Variants in ZC3H12D observed in about 807,000 individuals in gnomAD.
ZC3H12D encodes probable ribonuclease ZC3H12D.
In ZC3H12D, 11 loss-of-function variants were observed where a neutral mutation model predicts 24.2. That is an observed-to-expected ratio of 0.46 (90% CI 0.29 to 0.75). ZC3H12D has a LOEUF of 0.75. Ranked by LOEUF, ZC3H12D falls within the 30% of genes least tolerant of loss-of-function variation. The pLI is 0.11. For missense variants in ZC3H12D, 740 were observed against 767.7 expected (o/e 0.96, Z 0.43); for synonymous variants, 333 against 341.8 (o/e 0.97, Z 0.28).
intron 3 of ZC3H12D, among the ~76,000 whole-genome samples, chr6:149,458,685 G>A (rs367996306): frequency 3.9e-4 from 59 of 152,134 alleles, no homozygotes; most frequent in African/African-American, 1.4e-3. Flanking sequence ...ATGCCAAATT[G>A]TTTTCCAGAG....
chr6:149,460,648 G>A (rs747379671), intron 3 of ZC3H12D, among the ~76,000 whole-genome samples: 4 of 152,122 alleles, frequency 2.6e-5, no homozygotes, highest in African/African-American at 4.8e-5. Flanking sequence ...CAGCCAACAT[G>A]ATGAAACCCC....
At chr6:149,474,103 G>A (rs983042188) in intron 2 of ZC3H12D, 136 bp downstream of exon 2, 2 of 649,694 alleles carry the variant, frequency 3.1e-6, no homozygotes, top group Non-Finnish European at 4.7e-6. Context: ...GTTACTAAGA[G>A]ATGGTACAGG....
At chr6:149,472,686 T>C (rs1012755747) in intron 2 of ZC3H12D, among the ~76,000 whole-genome samples, 7 of 151,898 alleles carry the variant, frequency 4.6e-5, no homozygotes, top group Non-Finnish European at 1.0e-4. Flanking sequence ...CCAAAGAGAA[T>C]CTCTTTGGGG....
chr6:149,452,572 A>G lies in ZC3H12D; in HGVS notation c.787+44T>C. ...GACTGTGCTCCTGTACTGCCCCCAC[A>G]CAAGGCCCTGAACAGGGCCTGCGAA... On this transcript the variant is annotated intron_variant, in intron 5 of 5. Coordinates refer to ENST00000409806, the MANE Select transcript of ZC3H12D (RefSeq NM_207360.3). This position sits in a 1 kb window ranked among gnomAD's most constrained non-coding sequence, Gnocchi z 4.0. The G allele has an allele frequency of 7.0e-7, 1 of 1,435,976 alleles. No individual in the cohort carries two copies. Among genetic ancestry groups the G allele is most frequent in the Non-Finnish European group, 9.2e-7 (1 of 1,085,556 alleles). The allele number at this position is 1,435,976 out of a possible 1,614,324, so 89.0% of individuals were successfully genotyped here. A position where few individuals can be genotyped will look rare whatever the true frequency, so the allele number is the denominator to read the frequency against.
intron 2 of ZC3H12D, 108 bp downstream of exon 2, chr6:149,474,131 G>T: frequency 1.0e-6 from 1 of 979,604 alleles, no homozygotes; most frequent in Non-Finnish European, 1.4e-6. Context: ...AGCCTGATCC[G>T]TTGGCCCCAA....
intron 2 of ZC3H12D, among the ~76,000 whole-genome samples, chr6:149,463,546 T>A (rs1032415223): frequency 6.6e-6 from 1 of 152,098 alleles, no homozygotes; most frequent in Admixed American, 6.5e-5. Flanking sequence ...CTGTCTCTAC[T>A]AAAAATACAA....
At chr6:149,457,478 C>A (rs1318485928) in intron 3 of ZC3H12D, among the ~76,000 whole-genome samples, 1 of 152,204 alleles carries the variant, frequency 6.6e-6, no homozygotes, top group Non-Finnish European at 1.5e-5. Context: ...TAGAAAGCAT[C>A]CAGGACTAGG....
intron 1 of ZC3H12D, among the ~76,000 whole-genome samples, chr6:149,483,620 A>C (rs910251704): frequency 6.6e-6 from 1 of 152,130 alleles, no homozygotes; most frequent in Non-Finnish European, 1.5e-5. Context: ...GCTCAGCATT[A>C]TATCTTCAAT....
At chr6:149,481,952 G>C (rs143369982) in intron 1 of ZC3H12D, among the ~76,000 whole-genome samples, 2 of 152,224 alleles carry the variant, frequency 1.3e-5, no homozygotes, top group African/African-American at 4.8e-5. Flanking sequence ...TGTAACTTGC[G>C]CTCCATGTGA....
At chr6:149,466,469 C>A (rs1016748462) in intron 2 of ZC3H12D, among the ~76,000 whole-genome samples, 1 of 151,882 alleles carries the variant, frequency 6.6e-6, no homozygotes, top group Non-Finnish European at 1.5e-5. Flanking sequence ...GTAAAGTGAA[C>A]AATTGATGAC....
chr6:149,451,055 C>T lies in ZC3H12D; in HGVS notation c.1212G>A (p.Pro404=), dbSNP rs775512072. ...GCTGGAGCTGCAGGCCGGGCGGAGG[C>T]GGGAGGTCGCCCGGGGAGAACTGGC... ...PESQFSPGDL[P]PPPGLQLQPR... The change falls in exon 6 of 6, where the codon CCG becomes CCA. Residue 404 remains proline (P), a synonymous_variant. Coordinates refer to ENST00000409806, the MANE Select transcript of ZC3H12D (RefSeq NM_207360.3). 1.4e-5 allele frequency: 20 copies of T among 1,407,286 alleles called. No individual in the cohort carries two copies. The East Asian group carries it at 5.3e-4, about 37-fold the overall frequency. 87.2% of individuals were successfully genotyped at this position (1,407,286 alleles called of 1,614,324 possible).
rs746173199 is a variant in ZC3H12D, at chr6:149,475,927, AT to A, written c.-70-1315del. On this transcript the variant is annotated intron_variant, in intron 1 of 5. Coordinates refer to ENST00000409806, the MANE Select transcript of ZC3H12D (RefSeq NM_207360.3). ...CAAAGACCGATATATTTCAAAAAAA[AT>A]TTTTTTAAATACAGAAATAATCATG... Among the ~76,000 whole-genome samples, 20 of 152,254 alleles carry A rather than the reference AT, an allele frequency of 1.3e-4. No homozygotes were observed. The East Asian group carries it at 1.5e-3, about 12-fold the overall frequency.
At position 149,450,531 on chromosome 6, in the gene ZC3H12D, G is replaced by C. The variant is rs924046364; in HGVS notation, c.*152C>G. 3.5e-6 allele frequency: 3 copies of C among 845,504 alleles called. No homozygotes were observed. Among genetic ancestry groups the C allele is most frequent in the Non-Finnish European group, 3.5e-6 (2 of 575,098 alleles). 52.4% of individuals were successfully genotyped at this position (845,504 alleles called of 1,614,324 possible). ...AGTGCCACCAGGCCCCCACAACCCC[G>C]CTCAGGAGGAGGAAGCAGGCTTCCC... On this transcript the variant is annotated 3_prime_UTR_variant, in exon 6 of 6. Coordinates refer to ENST00000409806, the MANE Select transcript of ZC3H12D (RefSeq NM_207360.3).
intron 2 of ZC3H12D, among the ~76,000 whole-genome samples, chr6:149,465,959 C>T (rs1452099655): frequency 1.3e-5 from 2 of 152,094 alleles, no homozygotes; most frequent in Admixed American, 6.5e-5. Flanking sequence ...TTTTTCAGCA[C>T]AGACTGGGCA....
In ZC3H12D at chr6:149,474,267, C is replaced by T. The variant is rs1450567542; in HGVS notation, c.277G>A (p.Val93Met). ...RTLASSLRPI[V>M]IDGSNVAMSH... ...ATCGCCACGTTGCTGCCATCAATCA[C>T]TATGGGTCGCAGAGAACTGGCCAGG... Residue 93 changes from valine to methionine, a missense_variant, in exon 2 of 6, where the codon GTG becomes ATG. By Grantham distance (21) the Val-to-Met change is conservative. Transcript: ENST00000409806. 1.3e-6 allele frequency: 2 copies of T among 1,505,834 alleles called. No individual in the cohort carries two copies. The highest frequency in any genetic ancestry group is 1.4e-5 in the African/African-American group (1 of 71,750). 93.3% of individuals were successfully genotyped at this position (1,505,834 alleles called of 1,614,324 possible). A position where few individuals can be genotyped will look rare whatever the true frequency, so the allele number is the denominator to read the frequency against.
rs1185155117 is a variant in ZC3H12D, at chr6:149,479,398, C to A, written c.-70-4785G>T. Reference sequence around the variant, plus strand: ...CTAAATTTAAAAAACAAACAAAAAACCAGAATGTTCTCAGCACTGTGTTTC... The same window carrying A: ...CTAAATTTAAAAAACAAACAAAAAAACAGAATGTTCTCAGCACTGTGTTTC... On this transcript the variant is annotated intron_variant, in intron 1 of 5. Coordinates refer to ENST00000409806, the MANE Select transcript of ZC3H12D (RefSeq NM_207360.3). Among the ~76,000 whole-genome samples the A allele has an allele frequency of 2.0e-5, 3 of 152,212 alleles. No homozygotes were observed. In the South Asian group the frequency reaches 6.2e-4, roughly 32 times the overall value.
intron 4 of ZC3H12D, among the ~76,000 whole-genome samples, chr6:149,453,128 CAAAA>C (rs59814309): frequency 1.8e-4 from 19 of 106,102 alleles, no homozygotes; most frequent in Admixed American, 3.9e-4. Context: ...CTACAGAAAG[CAAAA>C]AAAAAAAAAA....
In ZC3H12D at chr6:149,446,894, A is replaced by G. The variant is rs1364755013; in HGVS notation, c.*3789T>C. The G allele has an allele frequency of 6.6e-6, 1 of 152,148 alleles. No homozygotes were observed. Among genetic ancestry groups the G allele is most frequent in the African/African-American group, 2.4e-5 (1 of 41,392 alleles). 9.4% of individuals were successfully genotyped at this position (152,148 alleles called of 1,614,324 possible). ...CCCTGACATTCTACAGTTCTACCCC[A>G]AACCCCCTTCCAGAGGCCTCTGGGA... On this transcript the variant is annotated 3_prime_UTR_variant, in exon 6 of 6. Transcript: ENST00000409806.
chr6:149,474,348 C>T lies in ZC3H12D; in HGVS notation c.196G>A (p.Val66Ile). 1 of 1,606,660 alleles carries T rather than the reference C, an allele frequency of 6.2e-7. No individual in the cohort carries two copies. Among genetic ancestry groups the T allele is most frequent in the Non-Finnish European group, 8.5e-7 (1 of 1,174,980 alleles). ...GGGCCACGCTGGGCAGAGTCCGGGA[C>T]CCCACAGGAGCCCCGAGGCACTAGC... ...PRLVPRGSCG[V>I]PDSAQRGPGT... Residue 66 changes from valine (V) to isoleucine (I), a missense_variant, in exon 2 of 6, where the codon GTC (valine) becomes ATC (isoleucine). Transcript: ENST00000409806.
Sources: allele counts gnomAD v4.1 joint callset (sites outside exome capture counted in the v4.1 genomes callset), GRCh38; gene constraint gnomAD v4.1.1; non-coding constraint Gnocchi (gnomAD v3.1); transcripts MANE v1.5; gene names NCBI Gene and HGNC (gene_info 2026-07-23, HGNC 2026-07-21).